The following XPR1 variants were observed in gnomAD, a reference collection of about 807,000 sequenced individuals.
XPR1 encodes the protein solute carrier family 53 member 1.
A neutral mutation model predicts 87.5 loss-of-function variants in XPR1; 28 were observed. The ratio of observed to expected loss-of-function variants is 0.32; its 90% confidence interval spans 0.24 to 0.44. The LOEUF (loss-of-function observed/expected upper bound fraction) is 0.44, where lower values mean the gene tolerates loss of function less well. Ranked by LOEUF, XPR1 falls within the 20% of genes least tolerant of loss-of-function variation. The probability of loss-of-function intolerance (pLI) is 1.00; values close to 1 mark genes in which losing one functional copy is unlikely to be tolerated. For synonymous variants in XPR1, 300 were observed against 306.1 expected, an observed-to-expected ratio of 0.98 and a Z score of 0.21; for missense variants, 559 against 862.3, an observed-to-expected ratio of 0.65 and a Z score of 4.41.
intron 2 of XPR1, among the ~76,000 whole-genome samples, chr1:180,776,587 T>G (rs544401142): frequency 6.6e-6 from 1 of 152,098 alleles, no homozygotes; most frequent in Non-Finnish European, 1.5e-5. Context: ...AAATCAGTTA[T>G]CATGACTTAA....
intron 12 of XPR1, among the ~76,000 whole-genome samples, chr1:180,866,137 T>G (rs945449994): frequency 3.3e-5 from 5 of 151,944 alleles, no homozygotes; most frequent in Non-Finnish European, 5.9e-5. Flanking sequence ...ACTTGAGCCC[T>G]GGAGTTCAAG....
rs538466333 is a variant in XPR1 at position 180,846,414 on chromosome 1, CTTGT to C, written c.1501+9709_1501+9712del. On this transcript the variant is annotated intron_variant, in intron 11 of 14. Coordinates refer to ENST00000367590, the MANE Select transcript of XPR1 (RefSeq NM_004736.4). ...AGACCAGTGGGCTAATGTTGAATTT[CTTGT>C]TTGTTTGTTTTTGTTTTTGTTTATT... is the stretch of plus-strand genomic sequence containing the variant. 8.5e-3 allele frequency among the ~76,000 whole-genome samples: 1,284 copies of C among 151,240 alleles called. 10 individuals carry two copies. The highest frequency in any genetic ancestry group is 0.01 in the Non-Finnish European group (712 of 67,840).
intron 8 of XPR1, 79 bp downstream of exon 8, chr1:180,825,022 A>G: frequency 6.6e-7 from 1 of 1,519,398 alleles, no homozygotes; most frequent in South Asian, 1.3e-5. Context: ...GGGTACTTAA[A>G]TCCATCCTCT....
chr1:180,846,242 A>G (rs1190172370), intron 11 of XPR1, among the ~76,000 whole-genome samples: 1 of 143,938 alleles, frequency 6.9e-6, no homozygotes, highest in Non-Finnish European at 1.5e-5. Flanking sequence ...AGCCTGGGCT[A>G]CAGAGTGAGA....
intron 11 of XPR1, among the ~76,000 whole-genome samples, chr1:180,858,438 C>T (rs1292962733): frequency 6.6e-6 from 1 of 152,076 alleles, no homozygotes; most frequent in African/African-American, 2.4e-5. Context: ...TTTTCCCACA[C>T]TATGTTAGAA....
intron 11 of XPR1, among the ~76,000 whole-genome samples, chr1:180,840,696 TA>T (rs138191585): frequency 2.0e-5 from 3 of 150,952 alleles, no homozygotes; most frequent in South Asian, 2.1e-4. Flanking sequence ...ATTGCTAAAA[TA>T]AAAAAAACCT....
chr1:180,822,748 T>C (rs1650683665), intron 7 of XPR1, among the ~76,000 whole-genome samples: 1 of 152,178 alleles, frequency 6.6e-6, no homozygotes, highest in Non-Finnish European at 1.5e-5. Context: ...AGAATAGATA[T>C]TATCCCCATT....
chr1:180,639,570 A>G (rs1654900261), intron 1 of XPR1, among the ~76,000 whole-genome samples: 1 of 152,192 alleles, frequency 6.6e-6, no homozygotes, highest in Non-Finnish European at 1.5e-5. Flanking sequence ...CTGAAATTTA[A>G]TCATAGAGAA....
At chr1:180,801,260 G>A (rs1234218728) in intron 3 of XPR1, among the ~76,000 whole-genome samples, 2 of 152,194 alleles carry the variant, frequency 1.3e-5, no homozygotes, top group East Asian at 1.9e-4. Context: ...TAAGGATGCA[G>A]GTGCTCTCCT....
Position 180,735,633 on chromosome 1 carries a change from A to G in XPR1, c.122-52120A>G, listed in dbSNP as rs112280225. On this transcript the variant is annotated intron_variant, in intron 2 of 14. Transcript: ENST00000367590. ...ACTCTATTAACTATTCCCTTCATCT[A>G]CAATTTAATGATAATCAATGCTTTT... Among the ~76,000 whole-genome samples the G allele has an allele frequency of 4.6e-3, 697 of 152,324 alleles. 7 individuals are homozygous for G. The highest frequency in any genetic ancestry group is 0.016 in the African/African-American group (668 of 41,566).
At chr1:180,766,334 A>G (rs1246595722) in intron 2 of XPR1, among the ~76,000 whole-genome samples, 1 of 152,170 alleles carries the variant, frequency 6.6e-6, no homozygotes, top group African/African-American at 2.4e-5. Context: ...GTTTTGGTAA[A>G]TCACATTACT....
chr1:180,681,077 G>A (rs904371405), intron 1 of XPR1, among the ~76,000 whole-genome samples: 1 of 152,176 alleles, frequency 6.6e-6, no homozygotes, highest in Non-Finnish European at 1.5e-5. Context: ...GCAGGTCAGA[G>A]GATAGGGAGA....
Position 180,694,788 on chromosome 1 carries a change from C to CA in XPR1, c.121+12378dup, listed in dbSNP as rs1657108207. Among the ~76,000 whole-genome samples the CA allele has an allele frequency of 2.0e-5, 3 of 152,174 alleles. No individual in the cohort carries two copies. The South Asian group carries it at 6.2e-4, about 32-fold the overall frequency. On this transcript the variant is annotated intron_variant, in intron 2 of 14. Coordinates refer to ENST00000367590, the MANE Select transcript of XPR1 (RefSeq NM_004736.4). ...ATTGTTGTGTGCACACACACACACA[C>CA]ACACACACACACACACCATGTTTTC...
intron 2 of XPR1, among the ~76,000 whole-genome samples, chr1:180,692,328 CTTG>C (rs969270572): frequency 1.8e-4 from 28 of 151,986 alleles, no homozygotes; most frequent in South Asian, 1.5e-3. Flanking sequence ...GGCACTGAGC[CTTG>C]TTGTGAGAGC....
chr1:180,680,503 C>G (rs1371450052), intron 1 of XPR1, among the ~76,000 whole-genome samples: 1 of 151,572 alleles, frequency 6.6e-6, no homozygotes, highest in Non-Finnish European at 1.5e-5. Flanking sequence ...GTAGCTGGGA[C>G]TACAGGCACA....
intron 2 of XPR1, among the ~76,000 whole-genome samples, chr1:180,734,813 G>A (rs973697709): frequency 6.6e-6 from 1 of 152,114 alleles, no homozygotes; most frequent in Non-Finnish European, 1.5e-5. Flanking sequence ...AGTGGGGTGG[G>A]GTGTCAAGAA....
Position 180,787,744 on chromosome 1 carries a change from G to A in XPR1, c.122-9G>A, listed in dbSNP as rs1048192296. Reference sequence around the variant, plus strand: ...CATTAAATTTAAATATTGTTTTCCTGTCTTTCAGTTACAGATGAGGACACA... The same window carrying A: ...CATTAAATTTAAATATTGTTTTCCTATCTTTCAGTTACAGATGAGGACACA... On this transcript the variant is annotated splice_polypyrimidine_tract_variant and intron_variant, in intron 2 of 14. Coordinates refer to ENST00000367590, the MANE Select transcript of XPR1 (RefSeq NM_004736.4). The A allele has an allele frequency of 1.3e-6, 2 of 1,562,700 alleles. No individual in the cohort carries two copies. Among genetic ancestry groups the A allele is most frequent in the African/African-American group, 2.8e-5 (2 of 72,474 alleles).
intron 2 of XPR1, among the ~76,000 whole-genome samples, chr1:180,696,691 TC>T (rs2101965206): frequency 6.6e-6 from 1 of 152,256 alleles, no homozygotes; most frequent in South Asian, 2.1e-4. Context: ...AGAGTTTTTA[TC>T]ATGAAAGGAC....
intron 1 of XPR1, among the ~76,000 whole-genome samples, chr1:180,660,217 C>CT (rs1387151367): frequency 1.3e-5 from 2 of 152,026 alleles, no homozygotes. Flanking sequence ...GTATCATCTC[C>CT]TTTTTTATCT....
Sources: gnomAD v4.1 joint callset for allele counts (sites outside exome capture counted in the v4.1 genomes callset) on GRCh38, gnomAD v4.1.1 for gene constraint, MANE v1.5 for transcripts, NCBI Gene and HGNC (gene_info 2026-07-23, HGNC 2026-07-21) for gene names.